The following RASA1 variants were observed in gnomAD, a reference collection of about 807,000 sequenced individuals.
The protein encoded by RASA1 is ras GTPase-activating protein 1.
Under a neutral mutation model 132.2 loss-of-function variants are expected in RASA1, and 25 were observed. The ratio of observed to expected loss-of-function variants is 0.19; its 90% confidence interval spans 0.14 to 0.26. The LOEUF is 0.26. Among genes scored for constraint, RASA1 ranks in the 10% least tolerant of loss-of-function variants. The pLI is 1.00. For synonymous variants in RASA1, 477 were observed against 449.9 expected (o/e 1.06, Z -0.76); for missense variants, 964 against 1,299.2 (o/e 0.74, Z 3.97).
At chr5:87,273,887 G>C (rs1341422174) in intron 1 of RASA1, among the ~76,000 whole-genome samples, 2 of 151,916 alleles carry the variant, frequency 1.3e-5, no homozygotes, top group Non-Finnish European at 2.9e-5. Flanking sequence ...TAGTAGAGAC[G>C]GGGTTTCACT....
intron 1 of RASA1, among the ~76,000 whole-genome samples, chr5:87,281,318 C>T (rs1281603823): frequency 6.6e-6 from 1 of 151,260 alleles, no homozygotes; most frequent in Non-Finnish European, 1.5e-5. Flanking sequence ...TCTCGTCTCA[C>T]TGCAATCTCG....
chr5:87,278,768 T>C (rs983332151), intron 1 of RASA1, among the ~76,000 whole-genome samples: 2 of 152,116 alleles, frequency 1.3e-5, no homozygotes, highest in African/African-American at 2.4e-5. Context: ...CTATGCAGTA[T>C]TGTAACATGT....
At chr5:87,386,253 G>A (rs1762054855) in intron 22 of RASA1, among the ~76,000 whole-genome samples, 1 of 152,002 alleles carries the variant, frequency 6.6e-6, no homozygotes, top group Non-Finnish European at 1.5e-5. Flanking sequence ...TTAAAAGAGT[G>A]TGTTAATCTT....
At chr5:87,296,127 T>C (rs1389686085) in intron 1 of RASA1, among the ~76,000 whole-genome samples, 1 of 152,092 alleles carries the variant, frequency 6.6e-6, no homozygotes, top group African/African-American at 2.4e-5. Context: ...TTTTTTTTTT[T>C]CTTTTTTTTC....
At chr5:87,386,974 A>G (rs539633011) in intron 23 of RASA1, 71 bp downstream of exon 23, 37 of 1,334,440 alleles carry the variant, frequency 2.8e-5, no homozygotes, top group Non-Finnish European at 3.7e-5. Context: ...CCATTTAAGC[A>G]GCAATCTTTA....
Position 87,374,292 on chromosome 5 carries a change from C to A in RASA1, c.1906C>A (p.Pro636Thr), listed in dbSNP as rs983086885. ...AACTCATGCAAGGGAAGGGCAAAAC[C>A]CAGTATGGTCAGAAGAGTTTGTCTT... ...AKTHAREGQNPVWSEEFVFDD... is the reference protein window; with the variant it reads ...AKTHAREGQNTVWSEEFVFDD... Residue 636 changes from proline (P) to threonine (T), a missense_variant, in exon 14 of 25, where the codon CCA becomes ACA. Around this residue, in one of 6 missense-constraint regions of RASA1, gnomAD observed 346 missense variants for 520.1 expected, o/e 0.67. Coordinates refer to ENST00000274376, the MANE Select transcript of RASA1 (RefSeq NM_002890.3). 6.2e-7 allele frequency: 1 copy of A among 1,605,522 alleles called. No individual in the cohort carries two copies. The highest frequency in any genetic ancestry group is 2.2e-5 in the East Asian group (1 of 44,468).
At chr5:87,361,272 GT>G (rs1482024028) in intron 9 of RASA1, among the ~76,000 whole-genome samples, 1 of 152,180 alleles carries the variant, frequency 6.6e-6, no homozygotes, top group African/African-American at 2.4e-5. Flanking sequence ...GCGTGCCACA[GT>G]TTGTCAGCCC....
intron 1 of RASA1, among the ~76,000 whole-genome samples, chr5:87,314,753 T>G (rs1756193402): frequency 6.6e-6 from 1 of 150,446 alleles, no homozygotes; most frequent in Non-Finnish European, 1.5e-5. Context: ...AAAAAAAAAG[T>G]GTTGAGTTTT....
Position 87,390,802 on chromosome 5 carries a change from C to T in RASA1, c.3063C>T (p.His1021=), listed in dbSNP as rs1371860135. ...CATACCATTTTTCCTCTGTCTAGCA[C>T]GTATTGAAAAAGCTTCTGGCTATAA... The part of the protein sequence containing the change: ...TLSNERGAQQ[H]VLKKLLAITE... The change falls in exon 25 of 25, where the codon CAC becomes CAT. Residue 1021 remains histidine (H), a splice_region_variant and synonymous_variant. Transcript: ENST00000274376. 12 of 1,609,898 alleles carry T rather than the reference C, an allele frequency of 7.5e-6. No homozygotes were observed. The highest frequency in any genetic ancestry group is 1.6e-4 in the Middle Eastern group (1 of 6,068).
At chr5:87,372,830 C>T (rs1401263953) in intron 13 of RASA1, among the ~76,000 whole-genome samples, 1 of 152,118 alleles carries the variant, frequency 6.6e-6, no homozygotes, top group African/African-American at 2.4e-5. Flanking sequence ...TATTTATTTA[C>T]TAACCAAAGT....
In RASA1 at chr5:87,268,754, C is replaced by T; in HGVS notation, c.303C>T (p.Gly101=). 6.2e-7 allele frequency: 1 copy of T among 1,613,580 alleles called. No homozygotes were observed. The highest frequency in any genetic ancestry group is 1.1e-5 in the South Asian group (1 of 91,048). Residue 101 remains glycine (G), a synonymous_variant, in exon 1 of 25, where the codon GGC becomes GGT. Coordinates refer to ENST00000274376, the MANE Select transcript of RASA1 (RefSeq NM_002890.3). ...TAAGVAGAAA[G]VAGAAVAGPS... ...CTGGCGTAGCTGGTGCTGCTGCTGG[C>T]GTGGCCGGTGCTGCTGTTGCTGGAC...
At chr5:87,356,211 T>G (rs892836928) in intron 9 of RASA1, among the ~76,000 whole-genome samples, 1 of 152,132 alleles carries the variant, frequency 6.6e-6, no homozygotes, top group African/African-American at 2.4e-5. Flanking sequence ...ATAGGGAATT[T>G]CTTTTGTGAA....
chr5:87,384,790 G>A (rs1761953480), intron 21 of RASA1, among the ~76,000 whole-genome samples: 1 of 152,068 alleles, frequency 6.6e-6, no homozygotes, highest in African/African-American at 2.4e-5. Flanking sequence ...TATTTTAAAA[G>A]TTTATTAAAT....
At chr5:87,339,399 C>T (rs1758276134) in intron 5 of RASA1, among the ~76,000 whole-genome samples, 1 of 152,122 alleles carries the variant, frequency 6.6e-6, no homozygotes, top group African/African-American at 2.4e-5. Context: ...TCCATATAGG[C>T]AAACAGTATT....
At chr5:87,342,462 A>G (rs1758542093) in intron 6 of RASA1, among the ~76,000 whole-genome samples, 1 of 152,160 alleles carries the variant, frequency 6.6e-6, no homozygotes, top group Admixed American at 6.6e-5. Flanking sequence ...CCCAGCTAGG[A>G]GTTGCAAATT....
chr5:87,320,655 C>T (rs1756724542), intron 1 of RASA1, among the ~76,000 whole-genome samples: 1 of 152,178 alleles, frequency 6.6e-6, no homozygotes, highest in South Asian at 2.1e-4. Context: ...ATTCAATCAC[C>T]TACCACCAGG....
intron 20 of RASA1, 150 bp from the exon 21 acceptor site, chr5:87,383,562 CT>C: frequency 1.8e-6 from 1 of 559,316 alleles, no homozygotes; most frequent in Admixed American, 3.3e-5. Flanking sequence ...TTTCTTAAAG[CT>C]TTCTGTGTCT....
At chr5:87,375,303 C>G (rs112358848) in intron 15 of RASA1, among the ~76,000 whole-genome samples, 2,678 of 151,804 alleles carry the variant, frequency 0.018, 35 homozygotes, top group Middle Eastern at 0.065. Context: ...TCTTGTTGCT[C>G]AGGCTGCAGT....
rs755256220 is a variant in RASA1 at position 87,389,469 on chromosome 5, T to G, written c.3002T>G (p.Ile1001Ser). 1 of 1,614,178 alleles carries G rather than the reference T, an allele frequency of 6.2e-7. No individual in the cohort carries two copies. Residue 1001 changes from isoleucine (I) to serine (S), a missense_variant, in exon 24 of 25, where the codon ATT becomes AGT. Around this residue, in one of 6 missense-constraint regions of RASA1, gnomAD observed 107 missense variants for 163.8 expected, o/e 0.65. Transcript: ENST00000274376. ...CGTGATTTAGCAGCATTGCATGAGA[T>G]TTGCGTGGCTCATTCAGATGAACTT... The part of the protein sequence containing the change: ...LSRDLAALHE[I>S]CVAHSDELRT...
Sources: allele counts gnomAD v4.1 joint callset (sites outside exome capture counted in the v4.1 genomes callset), GRCh38; gene constraint gnomAD v4.1.1; regional missense constraint gnomAD v4.1.1; transcripts MANE v1.5; gene names NCBI Gene and HGNC (gene_info 2026-07-23, HGNC 2026-07-21).